Variants in IGF1 observed in about 807,000 individuals in gnomAD.
IGF1 encodes insulin-like growth factor 1.
A neutral mutation model predicts 13.8 loss-of-function variants in IGF1; 4 were observed. That is an observed-to-expected ratio of 0.29 (90% CI 0.14 to 0.66). The LOEUF is 0.66. IGF1 is among the 30% of genes least tolerant of loss of function. The pLI, the probability that IGF1 is intolerant of heterozygous loss-of-function variation, is 0.78. For synonymous variants in IGF1, 76 were observed against 72.6 expected, an observed-to-expected ratio of 1.05 and a Z score of -0.23; for missense variants, 124 against 188.5, an observed-to-expected ratio of 0.66 and a Z score of 2.00.
At chr12:102,438,419 C>T (rs753024947) in intron 2 of IGF1, among the ~76,000 whole-genome samples, 3 of 152,166 alleles carry the variant, frequency 2.0e-5, no homozygotes, top group Non-Finnish European at 2.9e-5. Context: ...GCTTAGGAAA[C>T]GGCTGTAAAC....
At chr12:102,452,797 G>A (rs533553205) in intron 2 of IGF1, among the ~76,000 whole-genome samples, 4 of 152,170 alleles carry the variant, frequency 2.6e-5, no homozygotes, top group Non-Finnish European at 4.4e-5. Context: ...AGGAGCGCTT[G>A]GGCTGGAATC....
chr12:102,421,815 C>T (rs1385492839), intron 2 of IGF1, among the ~76,000 whole-genome samples: 1 of 152,198 alleles, frequency 6.6e-6, no homozygotes, highest in Non-Finnish European at 1.5e-5. Context: ...ATTTCCCTTT[C>T]AAGCTCCTCT....
chr12:102,420,597 A>C (rs995253534), intron 2 of IGF1, among the ~76,000 whole-genome samples: 1 of 152,156 alleles, frequency 6.6e-6, no homozygotes, highest in Non-Finnish European at 1.5e-5. Context: ...GAAACTAATT[A>C]CAATACCAAT....
intron 2 of IGF1, among the ~76,000 whole-genome samples, chr12:102,462,300 G>A (rs1411736381): frequency 6.6e-6 from 1 of 152,142 alleles, no homozygotes; most frequent in East Asian, 1.9e-4. Flanking sequence ...AGACTTTTCT[G>A]TTCTTTATTA....
chr12:102,424,112 A>C (rs1474380819), intron 2 of IGF1, among the ~76,000 whole-genome samples: 1 of 152,214 alleles, frequency 6.6e-6, no homozygotes, highest in Non-Finnish European at 1.5e-5. Flanking sequence ...AATAATAAAA[A>C]AACGCAAACG....
chr12:102,438,982 C>T (rs187776831), intron 2 of IGF1, among the ~76,000 whole-genome samples: 5 of 152,320 alleles, frequency 3.3e-5, no homozygotes, highest in Non-Finnish European at 5.9e-5. Context: ...TTTTCTCTGT[C>T]CTCCCCCATA....
In IGF1 at chr12:102,468,720, C is replaced by T. The variant is rs534345838; in HGVS notation, c.220+6923G>A. The stretch of plus-strand genomic sequence containing the variant: ...TTGGGATGTCTCATGGAGAGGTGTA[C>T]GATGGAACTCTGCCAGGGCGGCAGC... On this transcript the variant is annotated intron_variant, in intron 2 of 3. Coordinates refer to ENST00000337514, the MANE Select transcript of IGF1 (RefSeq NM_000618.5). Among the ~76,000 whole-genome samples the T allele has an allele frequency of 5.9e-5, 9 of 152,152 alleles. No homozygotes were observed. The East Asian group carries it at 7.7e-4, about 13-fold the overall frequency.
intron 3 of IGF1, among the ~76,000 whole-genome samples, chr12:102,416,295 G>A (rs1875135158): frequency 6.6e-6 from 1 of 152,176 alleles, no homozygotes; most frequent in African/African-American, 2.4e-5. Context: ...CTTGGAGGAT[G>A]GCGAGAGTTT....
intron 3 of IGF1, among the ~76,000 whole-genome samples, chr12:102,403,482 G>A (rs1162981587): frequency 1.3e-5 from 2 of 151,064 alleles, no homozygotes; most frequent in East Asian, 3.9e-4. Flanking sequence ...TTTTGGACAG[G>A]GTCTCACTCT....
At chr12:102,425,176 A>C (rs1225175291) in intron 2 of IGF1, among the ~76,000 whole-genome samples, 2 of 152,104 alleles carry the variant, frequency 1.3e-5, no homozygotes, top group Non-Finnish European at 2.9e-5. Flanking sequence ...TTGCTAGGAG[A>C]CCCTGTACAT....
chr12:102,474,472 C>A (rs1326490070), intron 2 of IGF1, among the ~76,000 whole-genome samples: 1 of 152,196 alleles, frequency 6.6e-6, no homozygotes, highest in Non-Finnish European at 1.5e-5. Flanking sequence ...TTCTTCCCAT[C>A]TCCCTTACTG....
intron 3 of IGF1, among the ~76,000 whole-genome samples, chr12:102,413,518 A>G (rs1334163894): frequency 6.6e-6 from 1 of 152,170 alleles, no homozygotes; most frequent in East Asian, 1.9e-4. Context: ...CGAACAGTGC[A>G]CACATTAGAA....
chr12:102,459,207 T>C (rs1291569949), intron 2 of IGF1, among the ~76,000 whole-genome samples: 1 of 152,142 alleles, frequency 6.6e-6, no homozygotes, highest in Non-Finnish European at 1.5e-5. Flanking sequence ...TAGGGATACA[T>C]TAAGAAAGTC....
intron 2 of IGF1, among the ~76,000 whole-genome samples, chr12:102,475,200 T>C (rs1353844832): frequency 1.3e-5 from 2 of 152,148 alleles, no homozygotes; most frequent in Non-Finnish European, 1.5e-5. Flanking sequence ...ATATTTTTTT[T>C]CCCAGATCCA....
intron 2 of IGF1, among the ~76,000 whole-genome samples, chr12:102,465,534 A>AAAAAAGGAG (rs1880238351): frequency 6.6e-6 from 1 of 152,242 alleles, no homozygotes; most frequent in Non-Finnish European, 1.5e-5. Context: ...AAGGCACAAG[A>AAAAAAGGAG]AAAAAGGAGA....
intron 2 of IGF1, among the ~76,000 whole-genome samples, chr12:102,424,055 CT>C: frequency 6.6e-6 from 1 of 152,218 alleles, no homozygotes; most frequent in East Asian, 1.9e-4. Context: ...ACTATTTCAA[CT>C]CTATCATTGG....
chr12:102,440,347 T>C (rs1480053746), intron 2 of IGF1, among the ~76,000 whole-genome samples: 1 of 152,192 alleles, frequency 6.6e-6, no homozygotes, highest in East Asian at 1.9e-4. Flanking sequence ...TGTGTGGGAT[T>C]GGAAGATGTG....
Position 102,400,498 on chromosome 12 carries a change from G to GA in IGF1, c.*2008dup, listed in dbSNP as rs986966596. ...GCAGGCATGGGAAATTTCTTGTTGTGATGGAAGTTTTTGCCTTTCAACTGG... is the reference window on the plus strand; with the variant it reads ...GCAGGCATGGGAAATTTCTTGTTGTGAATGGAAGTTTTTGCCTTTCAACTGG... On this transcript the variant is annotated 3_prime_UTR_variant, in exon 4 of 4. Coordinates refer to ENST00000337514, the MANE Select transcript of IGF1 (RefSeq NM_000618.5). The GA allele has an allele frequency of 7.2e-5, 11 of 152,108 alleles. No individual in the cohort carries two copies. The highest frequency in any genetic ancestry group is 1.6e-4 in the Non-Finnish European group (11 of 68,010). The allele number at this position is 152,108 out of a possible 1,614,324, so 9.4% of individuals were successfully genotyped here.
At chr12:102,407,086 T>C (rs1874217150) in intron 3 of IGF1, among the ~76,000 whole-genome samples, 1 of 96,604 alleles carries the variant, frequency 1.0e-5, no homozygotes, top group African/African-American at 4.3e-5. Context: ...AGAGTAAAAC[T>C]CTGTCTCCAA....
Sources: gnomAD v4.1 joint callset for allele counts (sites outside exome capture counted in the v4.1 genomes callset) on GRCh38, gnomAD v4.1.1 for gene constraint, MANE v1.5 for transcripts, NCBI Gene and HGNC (gene_info 2026-07-23, HGNC 2026-07-21) for gene names.